The following CDH12 variants were observed in gnomAD, a reference collection of about 807,000 sequenced individuals.
The protein encoded by CDH12 is cadherin 12.
CDH12 carries 41 observed loss-of-function variants against 74.1 expected under a neutral mutation model. The ratio of observed to expected loss-of-function variants is 0.55; its 90% CI spans 0.43 to 0.72. The LOEUF is 0.72. CDH12 is among the 30% of genes least tolerant of loss of function. The pLI is 0.00. For synonymous variants in CDH12, 399 were observed against 355.0 expected, an observed-to-expected ratio of 1.12 and a Z score of -1.39; for missense variants, 945 against 977.2, an observed-to-expected ratio of 0.97 and a Z score of 0.44.
At chr5:22,269,069 G>T (rs569570918) in intron 3 of CDH12, among the ~76,000 whole-genome samples, 54 of 152,206 alleles carry the variant, frequency 3.5e-4, no homozygotes, top group African/African-American at 1.2e-3. Flanking sequence ...ATCCTCATCT[G>T]TGAAATAGAA....
At chr5:21,785,888 T>A (rs1177734473) in intron 10 of CDH12, among the ~76,000 whole-genome samples, 2 of 152,200 alleles carry the variant, frequency 1.3e-5, no homozygotes, top group African/African-American at 2.4e-5. Context: ...TTTAAATGTA[T>A]ACAGAACAGC....
intron 3 of CDH12, among the ~76,000 whole-genome samples, chr5:22,289,831 T>A (rs1243043629): frequency 6.6e-6 from 1 of 152,066 alleles, no homozygotes; most frequent in Non-Finnish European, 1.5e-5. Context: ...TGCCCCATAT[T>A]CTAGTCCAGT....
chr5:22,292,350 T>C (rs1365015736), intron 3 of CDH12, among the ~76,000 whole-genome samples: 6 of 148,792 alleles, frequency 4.0e-5, no homozygotes, highest in Non-Finnish European at 7.4e-5. Flanking sequence ...TGTTTTTTTT[T>C]TTTTTTTTTG....
chr5:22,135,585 A>C (rs1367972832), intron 4 of CDH12, among the ~76,000 whole-genome samples: 2 of 152,132 alleles, frequency 1.3e-5, no homozygotes, highest in African/African-American at 4.8e-5. Context: ...ATTTAGAAAT[A>C]AATAATTCGC....
intron 9 of CDH12, among the ~76,000 whole-genome samples, chr5:21,808,018 G>T (rs1337383805): frequency 6.6e-6 from 1 of 152,042 alleles, no homozygotes; most frequent in Non-Finnish European, 1.5e-5. Context: ...AGATTATGTG[G>T]CAAGTGGCAA....
intron 4 of CDH12, among the ~76,000 whole-genome samples, chr5:22,136,897 A>G (rs1300360645): frequency 6.6e-6 from 1 of 151,872 alleles, no homozygotes; most frequent in African/African-American, 2.4e-5. Flanking sequence ...TAAATGAATG[A>G]ATAAATAATT....
chr5:22,602,335 C>G (rs74612258), intron 1 of CDH12, among the ~76,000 whole-genome samples: 6 of 152,110 alleles, frequency 3.9e-5, no homozygotes, highest in Non-Finnish European at 8.8e-5. Flanking sequence ...AGTTTAACCA[C>G]GTGAAATAAA....
intron 4 of CDH12, among the ~76,000 whole-genome samples, chr5:22,162,941 G>A (rs1246681755): frequency 7.4e-6 from 1 of 134,894 alleles, no homozygotes; most frequent in Non-Finnish European, 1.5e-5. Context: ...CTTTCGCCCA[G>A]GCAGGACTGC....
chr5:22,828,456 C>G (rs16899372), intron 1 of CDH12, among the ~76,000 whole-genome samples: 2,695 of 152,244 alleles, frequency 0.018, 82 homozygotes, highest in African/African-American at 0.062. Context: ...TGCTAATCTA[C>G]ATATCCAAGT....
At chr5:22,328,903 G>C (rs1209075227) in intron 3 of CDH12, among the ~76,000 whole-genome samples, 2 of 152,146 alleles carry the variant, frequency 1.3e-5, no homozygotes, top group Non-Finnish European at 2.9e-5. Context: ...GGAAGAATAA[G>C]AAGCCACAAA....
chr5:22,011,719 A>G (rs996712569), intron 5 of CDH12, among the ~76,000 whole-genome samples: 1 of 152,104 alleles, frequency 6.6e-6, no homozygotes, highest in African/African-American at 2.4e-5. Flanking sequence ...CTGTTGGGTT[A>G]TATGCAATTA....
At chr5:22,109,498 A>C (rs985370615) in intron 4 of CDH12, among the ~76,000 whole-genome samples, 1 of 152,198 alleles carries the variant, frequency 6.6e-6, no homozygotes, top group Non-Finnish European at 1.5e-5. Context: ...TACTGCTGTC[A>C]CTATGAGTAA....
At chr5:22,815,835 G>T (rs1222049595) in intron 1 of CDH12, among the ~76,000 whole-genome samples, 1 of 149,530 alleles carries the variant, frequency 6.7e-6, no homozygotes, top group Non-Finnish European at 1.5e-5. Flanking sequence ...ACCGGTGAAA[G>T]AGAGCCTCTA....
intron 1 of CDH12, among the ~76,000 whole-genome samples, chr5:22,572,027 C>T (rs1739566484): frequency 6.6e-6 from 1 of 152,022 alleles, no homozygotes; most frequent in Non-Finnish European, 1.5e-5. Flanking sequence ...CAGACTTACT[C>T]AATGTAGGGT....
At chr5:22,323,433 A>G (rs1738965334) in intron 3 of CDH12, among the ~76,000 whole-genome samples, 1 of 152,174 alleles carries the variant, frequency 6.6e-6, no homozygotes, top group Non-Finnish European at 1.5e-5. Context: ...TTTACTTTTT[A>G]TTAACAGAAA....
rs180934778 is a variant in CDH12, at chr5:22,494,973, A to T, written c.-428+10297T>A. On this transcript the variant is annotated intron_variant, in intron 2 of 14. Coordinates refer to ENST00000382254, the MANE Select transcript of CDH12 (RefSeq NM_004061.5). Reference sequence around the variant, plus strand: ...AAGAAAATGAGACGATAATTAAACTATCAAAAGGCTACAACACAGCATCTT... The same window carrying T: ...AAGAAAATGAGACGATAATTAAACTTTCAAAAGGCTACAACACAGCATCTT... Among the ~76,000 whole-genome samples the T allele has an allele frequency of 4.1e-4, 62 of 152,318 alleles. No individual in the cohort carries two copies. The East Asian group carries it at 8.3e-3, about 20-fold the overall frequency.
rs73053202 is a variant in CDH12 at position 21,754,021 on chromosome 5, G to A, written c.1885+1570C>T. ...GACAAAGGTTTTCAAAGAAAAAAAC[G>A]AGGAGGATACATAATTGTTTTAAAT... On this transcript the variant is annotated intron_variant, in intron 14 of 14. Coordinates refer to ENST00000382254, the MANE Select transcript of CDH12 (RefSeq NM_004061.5). 4.6e-5 allele frequency among the ~76,000 whole-genome samples: 7 copies of A among 152,252 alleles called. No homozygotes were observed. The South Asian group carries it at 6.2e-4, about 14-fold the overall frequency.
At chr5:21,833,350 A>T (rs1336571675) in intron 8 of CDH12, among the ~76,000 whole-genome samples, 2 of 67,846 alleles carry the variant, frequency 2.9e-5, no homozygotes, top group South Asian at 4.4e-4. Flanking sequence ...ATAACATATA[A>T]TATATATTAT....
Position 22,685,292 on chromosome 5 carries a change from C to G in CDH12, c.-523+167766G>C, listed in dbSNP as rs563915245. 4.6e-5 allele frequency among the ~76,000 whole-genome samples: 7 copies of G among 152,082 alleles called. No homozygotes were observed. The East Asian group carries it at 1.4e-3, about 29-fold the overall frequency. Reference sequence around the variant, plus strand: ...TCGCCCTGTCGCCCAGTCTGGAGTTCAGTGGTGCGGTCTTGGCTCATTGCA... The same window carrying G: ...TCGCCCTGTCGCCCAGTCTGGAGTTGAGTGGTGCGGTCTTGGCTCATTGCA... On this transcript the variant is annotated intron_variant, in intron 1 of 14. Transcript: ENST00000382254.
Sources: allele counts gnomAD v4.1 joint callset (sites outside exome capture counted in the v4.1 genomes callset), GRCh38; gene constraint gnomAD v4.1.1; transcripts MANE v1.5; gene names NCBI Gene and HGNC (gene_info 2026-07-23, HGNC 2026-07-21).